SRP68: variants seen among roughly 807,000 people sequenced by gnomAD.
SRP68 encodes the protein signal recognition particle 68.
SRP68 carries 15 observed loss-of-function variants against 82.2 expected under a neutral mutation model. That is an observed-to-expected ratio of 0.18 (90% CI 0.12 to 0.28). The LOEUF (loss-of-function observed/expected upper bound fraction) is 0.28. SRP68 is among the 10% of genes least tolerant of loss of function. SRP68 has a pLI of 1.00. For missense variants in SRP68, 595 were observed against 780.5 expected (o/e 0.76, Z 2.83); for synonymous variants, 261 against 292.6 (o/e 0.89, Z 1.10).
At chr17:76,061,390 G>C (rs1196882904) in intron 5 of SRP68, 102 bp downstream of exon 5, 13 of 1,116,706 alleles carry the variant, frequency 1.2e-5, no homozygotes, top group Non-Finnish European at 1.6e-5. Flanking sequence ...GGAAAGAAAA[G>C]TCACCCTCAC....
intron 11 of SRP68, 123 bp from the exon 12 acceptor site, chr17:76,045,509 G>C (rs1342639656): frequency 4.4e-6 from 3 of 679,234 alleles, no homozygotes; most frequent in African/African-American, 1.8e-5. Context: ...AATACGATGG[G>C]GAAAAGCCTG....
At chr17:76,049,926 G>C (rs1229761982) in intron 9 of SRP68, among the ~76,000 whole-genome samples, 3 of 152,162 alleles carry the variant, frequency 2.0e-5, no homozygotes, top group South Asian at 4.1e-4. Context: ...CTGGAGAAGG[G>C]AACCGAGACC....
At position 76,061,567 on chromosome 17, in the gene SRP68, G is replaced by A. The variant is rs771974589; in HGVS notation, c.569C>T (p.Thr190Ile). The part of the protein sequence containing the change: ...AKTKLEAQAY[T>I]AYLSGMLRFE... Reference sequence around the variant, plus strand: ...ACGTAGCATTCCTGAGAGGTAAGCTGTGTAAGCCTGTGAGGAGATGGAAGA... The same window carrying A: ...ACGTAGCATTCCTGAGAGGTAAGCTATGTAAGCCTGTGAGGAGATGGAAGA... Residue 190 changes from threonine to isoleucine, a missense_variant, in exon 5 of 16, where the codon ACA becomes ATA. By Grantham distance (89) the Thr-to-Ile change is moderately conservative. Transcript: ENST00000307877. 3 of 1,613,764 alleles carry A rather than the reference G, an allele frequency of 1.9e-6. No individual in the cohort carries two copies. The highest frequency in any genetic ancestry group is 3.3e-5 in the Admixed American group (2 of 60,006).
Position 76,043,843 on chromosome 17 carries a change from T to C in SRP68, c.1510A>G (p.Lys504Glu). ...CAACCTCTCACCTTTAGGCTGTTCT[T>C]GAAGGCGCCAGCATCAGAATTTACT... ...NEVNSDAGAF[K>E]NSLKDLPDVQ... The change falls in exon 13 of 16, where the codon AAG becomes GAG. Residue 504 changes from lysine to glutamate, a missense_variant. Around this residue, in one of 2 missense-constraint regions of SRP68, gnomAD observed 495 missense variants for 688.6 expected, o/e 0.72. Transcript: ENST00000307877. 6.2e-7 allele frequency: 1 copy of C among 1,603,666 alleles called. No individual in the cohort carries two copies. Among genetic ancestry groups the C allele is most frequent in the Non-Finnish European group, 8.5e-7 (1 of 1,177,180 alleles).
At chr17:76,054,678 T>C (rs1300805748) in intron 8 of SRP68, among the ~76,000 whole-genome samples, 1 of 151,744 alleles carries the variant, frequency 6.6e-6, no homozygotes, top group African/African-American at 2.4e-5. Context: ...AAAAAATTAG[T>C]TGGGCATGGT....
chr17:76,059,495 T>A (rs925744171), intron 7 of SRP68, among the ~76,000 whole-genome samples: 2 of 152,016 alleles, frequency 1.3e-5, no homozygotes, highest in African/African-American at 4.8e-5. Context: ...TGAGCCAAGA[T>A]TGCACCATTG....
At chr17:76,040,020 A>G (rs2066577282) in intron 15 of SRP68, 87 bp from the exon 16 acceptor site, 19 of 1,328,628 alleles carry the variant, frequency 1.4e-5, no homozygotes, top group Admixed American at 4.0e-5. Context: ...CCTGGTTCAG[A>G]GCTTTACAGG....
At chr17:76,064,246 G>C in intron 3 of SRP68, 75 bp from the exon 4 acceptor site, 1 of 1,345,322 alleles carries the variant, frequency 7.4e-7, no homozygotes, top group South Asian at 1.3e-5. Context: ...TGTAATCTTC[G>C]GCTTCTCGGC....
intron 9 of SRP68, 185 bp from the exon 10 acceptor site, chr17:76,048,155 C>A: frequency 3.2e-6 from 1 of 314,670 alleles, no homozygotes; most frequent in Non-Finnish European, 6.1e-6. Context: ...ACTCAAGTTG[C>A]CACTGGCATC....
intron 2 of SRP68, among the ~76,000 whole-genome samples, chr17:76,070,102 A>AC (rs1567938360): frequency 6.6e-6 from 1 of 151,108 alleles, no homozygotes; most frequent in Non-Finnish European, 1.5e-5. Flanking sequence ...AAACAAACAA[A>AC]AAAAACAGCT....
At chr17:76,055,050 G>C (rs551274909) in intron 8 of SRP68, among the ~76,000 whole-genome samples, 1 of 151,298 alleles carries the variant, frequency 6.6e-6, no homozygotes, top group Non-Finnish European at 1.5e-5. Flanking sequence ...TCCGCCTCCC[G>C]GGTTTAAGTG....
At chr17:76,067,028 C>T (rs2066812273) in intron 3 of SRP68, among the ~76,000 whole-genome samples, 189 bp downstream of exon 3, 1 of 152,018 alleles carries the variant, frequency 6.6e-6, no homozygotes, top group Admixed American at 6.6e-5. Flanking sequence ...GCACCTGGCC[C>T]CAACACAGTT....
chr17:76,060,234 C>A (rs1404267525), intron 7 of SRP68, 74 bp downstream of exon 7: 1 of 856,706 alleles, frequency 1.2e-6, no homozygotes, highest in Admixed American at 2.0e-5. Context: ...TATCAAATAT[C>A]CCTAGGGGAT....
At position 76,039,876 on chromosome 17, in the gene SRP68, C is replaced by T. The variant is rs997501607; in HGVS notation, c.1714G>A (p.Ala572Thr). Residue 572 changes from alanine to threonine, a missense_variant, in exon 16 of 16, where the codon GCC becomes ACC. Ala to Thr is a moderately conservative substitution (Grantham distance 58). Coordinates refer to ENST00000307877, the MANE Select transcript of SRP68 (RefSeq NM_014230.4). ...CCTGGTGGGAAGTGCACAAGGTTGG[C>T]TTGCTTGGTGACAAGGGAAGGGTCC... ...CLDPSLVTKQ[A>T]NLVHFPPGFQ... The T allele has an allele frequency of 1.2e-6, 2 of 1,614,206 alleles. No homozygotes were observed. The highest frequency in any genetic ancestry group is 1.7e-6 in the Non-Finnish European group (2 of 1,180,040).
rs757110630 is a variant in SRP68 at position 76,061,492 on chromosome 17, T to C, written c.644A>G (p.Lys215Arg). 1.0e-4 allele frequency: 168 copies of C among 1,613,218 alleles called. No individual in the cohort carries two copies. The highest frequency in any genetic ancestry group is 1.4e-4 in the Non-Finnish European group (164 of 1,179,682). ...ACAGCCTTTGGACTATAGGACTTAC[T>C]TGCATTTGTTAAAAGCCTCAATGGC... ...KAAIEAFNKC[K>R]TIYEKLASAF... is the part of the protein sequence containing the mutation. Residue 215 changes from lysine to arginine, a missense_variant and splice_region_variant, in exon 5 of 16, where the codon AAA (lysine) becomes AGA (arginine). Transcript: ENST00000307877.
intron 11 of SRP68, among the ~76,000 whole-genome samples, chr17:76,045,627 T>A (rs1196726398): frequency 6.6e-6 from 1 of 152,176 alleles, no homozygotes; most frequent in Non-Finnish European, 1.5e-5. Context: ...CTTCAGAGAC[T>A]TCTTGGCCCA....
chr17:76,063,873 G>T, intron 4 of SRP68, 103 bp downstream of exon 4: 2 of 1,051,296 alleles, frequency 1.9e-6, no homozygotes, highest in Non-Finnish European at 1.3e-6. Context: ...TTCCTCTTCT[G>T]ACTGTCACTT....
At chr17:76,042,703 G>A (rs1439994954) in intron 13 of SRP68, among the ~76,000 whole-genome samples, 1 of 152,112 alleles carries the variant, frequency 6.6e-6, no homozygotes, top group Non-Finnish European at 1.5e-5. Flanking sequence ...TCCTGCCTCA[G>A]CTTCTCAAGT....
At chr17:76,052,752 C>T (rs1221695745) in intron 8 of SRP68, among the ~76,000 whole-genome samples, 5 of 148,138 alleles carry the variant, frequency 3.4e-5, no homozygotes, top group Non-Finnish European at 7.4e-5. Flanking sequence ...TTCAGTGAGC[C>T]GAGATCGCGC....
Sources: allele counts gnomAD v4.1 joint callset (sites outside exome capture counted in the v4.1 genomes callset), GRCh38; gene constraint gnomAD v4.1.1; regional missense constraint gnomAD v4.1.1; transcripts MANE v1.5; gene names NCBI Gene and HGNC (gene_info 2026-07-23, HGNC 2026-07-21).